The following SLC5A4 variants were observed in gnomAD, a reference collection of about 807,000 sequenced individuals.
The protein encoded by SLC5A4 is solute carrier family 5 member 4, also known as probable glucose sensor protein SLC5A4.
Under a neutral mutation model 70.3 loss-of-function variants are expected in SLC5A4, and 55 were observed. That is an observed-to-expected ratio of 0.78 (90% CI 0.63 to 0.98). The LOEUF is 0.98. SLC5A4 is among the 50% of genes least tolerant of loss of function. The probability of loss-of-function intolerance (pLI) is 0.00; values close to 1 mark genes in which losing one functional copy is unlikely to be tolerated. For missense variants in SLC5A4, 735 were observed against 839.2 expected (o/e 0.88, Z 1.53); for synonymous variants, 268 against 305.7 (o/e 0.88, Z 1.29).
the SLC5A4 span, among the ~76,000 whole-genome samples, chr22:32,310,549 G>A: frequency 2.6e-5 from 4 of 152,092 alleles, no homozygotes; most frequent in Non-Finnish European, 5.9e-5. Context: ...CAGGGGAGAG[G>A]AAGCCATGCC....
the SLC5A4 span, among the ~76,000 whole-genome samples, chr22:32,304,896 T>C: frequency 6.6e-6 from 1 of 152,090 alleles, no homozygotes; most frequent in Non-Finnish European, 1.5e-5. Context: ...TTTGAGTTAA[T>C]TTTGTGGAGT....
At chr22:32,233,718 T>G (rs1449220298) in intron 8 of SLC5A4, among the ~76,000 whole-genome samples, 1 of 151,904 alleles carries the variant, frequency 6.6e-6, no homozygotes, top group Non-Finnish European at 1.5e-5. Flanking sequence ...TTGCAGCACT[T>G]TGGGAGGCCA....
chr22:32,309,383 TTA>T, the SLC5A4 span, among the ~76,000 whole-genome samples: 1 of 152,102 alleles, frequency 6.6e-6, no homozygotes, highest in Non-Finnish European at 1.5e-5. Context: ...TTTTGTATTA[TTA>T]TTATTACAAA....
intron 3 of SLC5A4, among the ~76,000 whole-genome samples, chr22:32,249,921 G>A (rs116448714): frequency 0.031 from 4,704 of 151,842 alleles, 211 homozygotes; most frequent in African/African-American, 0.1. Flanking sequence ...TTTTTTTTTA[G>A]GTCATCAGCT....
rs191843301 is a variant in SLC5A4, at chr22:32,241,818, T to A, written c.478-2728A>T. Among the ~76,000 whole-genome samples the A allele has an allele frequency of 1.1e-4, 16 of 146,870 alleles. No homozygotes were observed. In the East Asian group the frequency reaches 2.9e-3, roughly 27 times the overall value. Reference sequence around the variant, plus strand: ...GTGTGTGTGTGTATATATATCTGTATGTGTGTGTGTATATATATATCTGTG... The same window carrying A: ...GTGTGTGTGTGTATATATATCTGTAAGTGTGTGTGTATATATATATCTGTG... On this transcript the variant is annotated intron_variant, in intron 5 of 14. Transcript: ENST00000266086.
chr22:32,342,388 T>C, the SLC5A4 span, among the ~76,000 whole-genome samples: 1 of 152,170 alleles, frequency 6.6e-6, no homozygotes, highest in Non-Finnish European at 1.5e-5. Context: ...TAATCAAGAT[T>C]TGTAATAACT....
chr22:32,262,324 C>T, the SLC5A4 span, among the ~76,000 whole-genome samples: 1 of 152,120 alleles, frequency 6.6e-6, no homozygotes, highest in African/African-American at 2.4e-5. Flanking sequence ...TACTTTGGCC[C>T]CACCCCAGAC....
At chr22:32,241,299 A>C (rs1461966390) in intron 5 of SLC5A4, among the ~76,000 whole-genome samples, 1 of 152,252 alleles carries the variant, frequency 6.6e-6, no homozygotes, top group Non-Finnish European at 1.5e-5. Flanking sequence ...GGTTCAGAGT[A>C]GTCTGGGTCA....
the SLC5A4 span, among the ~76,000 whole-genome samples, chr22:32,342,078 T>C: frequency 1.3e-5 from 2 of 152,258 alleles, no homozygotes; most frequent in Non-Finnish European, 2.9e-5. Context: ...TGGTATATGA[T>C]ACAAACTCAA....
At chr22:32,304,601 T>TAAGAATTCTTTGTATA in the SLC5A4 span, among the ~76,000 whole-genome samples, 2 of 152,250 alleles carry the variant, frequency 1.3e-5, no homozygotes, top group Non-Finnish European at 2.9e-5. Flanking sequence ...GGTTGAGTTT[T>TAAGAATTCTTTGTATA]AAGAATTCTT....
chr22:32,278,626 G>A, the SLC5A4 span, among the ~76,000 whole-genome samples: 60 of 152,196 alleles, frequency 3.9e-4, no homozygotes, highest in Non-Finnish European at 6.8e-4. Context: ...GAACTGTGAC[G>A]TGTGTAAGAT....
the SLC5A4 span, among the ~76,000 whole-genome samples, chr22:32,277,370 C>A: frequency 2.0e-5 from 3 of 152,216 alleles, no homozygotes; most frequent in East Asian, 3.9e-4. Context: ...ATTATTTTAA[C>A]TTCTGCTTTC....
At chr22:32,336,032 T>A in the SLC5A4 span, among the ~76,000 whole-genome samples, 2 of 152,060 alleles carry the variant, frequency 1.3e-5, no homozygotes, top group Non-Finnish European at 2.9e-5. Flanking sequence ...AAATAGTGGG[T>A]GAAATAAAGT....
rs1236906523 is a variant in SLC5A4 at position 32,237,380 on chromosome 22, A to G, written c.584-56T>C. On this transcript the variant is annotated intron_variant, in intron 6 of 14. Coordinates refer to ENST00000266086, the MANE Select transcript of SLC5A4 (RefSeq NM_014227.3). ...TTTATCCATGTGTCCTCATGTATTT[A>G]CCTTCACCACTGGGTTCTCCTCCAC... The G allele has an allele frequency of 3.3e-6, 4 of 1,197,290 alleles. No homozygotes were observed. The African/African-American group carries it at 6.2e-5, about 18-fold the overall frequency. The allele number at this position is 1,197,290 out of a possible 1,614,324, so 74.2% of individuals were successfully genotyped here.
the SLC5A4 span, among the ~76,000 whole-genome samples, chr22:32,325,393 G>A: frequency 6.7e-6 from 1 of 148,990 alleles, no homozygotes; most frequent in African/African-American, 2.5e-5. Context: ...GTGATCGGGA[G>A]CAGCCACAGA....
At chr22:32,341,407 C>T in the SLC5A4 span, among the ~76,000 whole-genome samples, 1 of 152,214 alleles carries the variant, frequency 6.6e-6, no homozygotes, top group African/African-American at 2.4e-5. Context: ...TCAGCCCCTC[C>T]CTCCTCCGAG....
At chr22:32,234,210 C>A (rs1456075778) in intron 8 of SLC5A4, among the ~76,000 whole-genome samples, 1 of 152,174 alleles carries the variant, frequency 6.6e-6, no homozygotes, top group Non-Finnish European at 1.5e-5. Flanking sequence ...AGCATTTATT[C>A]CTAGTGAGCT....
chr22:32,307,588 C>T, the SLC5A4 span, among the ~76,000 whole-genome samples: 7 of 152,322 alleles, frequency 4.6e-5, 1 homozygote, highest in South Asian at 1.2e-3. Flanking sequence ...ATCCTGACCT[C>T]TTCTAGCTCG....
At position 32,238,977 on chromosome 22, in the gene SLC5A4, A is replaced by G; in HGVS notation, c.583+8T>C. On this transcript the variant is annotated splice_region_variant and intron_variant, in intron 6 of 14. Coordinates refer to ENST00000266086, the MANE Select transcript of SLC5A4 (RefSeq NM_014227.3). ...AGCCTGAGTGAGCAAAATATGCAAC[A>G]TACTTACCAGTGGTGGTGTAAACAG... 2 of 1,601,844 alleles carry G rather than the reference A, an allele frequency of 1.2e-6. No homozygotes were observed. Among genetic ancestry groups the G allele is most frequent in the Non-Finnish European group, 1.7e-6 (2 of 1,168,796 alleles).
Sources: allele counts gnomAD v4.1 joint callset (sites outside exome capture counted in the v4.1 genomes callset), GRCh38; gene constraint gnomAD v4.1.1; transcripts MANE v1.5; gene names NCBI Gene and HGNC (gene_info 2026-07-23, HGNC 2026-07-21).